PDE4B: variants seen among roughly 807,000 people sequenced by gnomAD.
The protein encoded by PDE4B is phosphodiesterase 4B, also known as 3',5'-cyclic-AMP phosphodiesterase 4B.
A neutral mutation model predicts 82.2 loss-of-function variants in PDE4B; 20 were observed. The observed-to-expected ratio is 0.24, with a 90% confidence interval of 0.17 to 0.35. The LOEUF is 0.35. Among genes scored for constraint, PDE4B ranks in the 10% least tolerant of loss-of-function variants. The probability of loss-of-function intolerance (pLI) is 1.00; values close to 1 mark genes in which losing one functional copy is unlikely to be tolerated. For synonymous variants in PDE4B, 320 were observed against 318.9 expected (o/e 1.00, Z -0.04); for missense variants, 655 against 907.2 (o/e 0.72, Z 3.57).
At chr1:65,954,513 T>C (rs1436742294) in intron 3 of PDE4B, among the ~76,000 whole-genome samples, 1 of 152,040 alleles carries the variant, frequency 6.6e-6, no homozygotes, top group East Asian at 1.9e-4. Context: ...CTCATCATGA[T>C]CTTATCATGA....
intron 3 of PDE4B, among the ~76,000 whole-genome samples, chr1:66,071,583 A>C (rs1275025128): frequency 2.0e-5 from 3 of 152,080 alleles, no homozygotes; most frequent in African/African-American, 7.2e-5. Flanking sequence ...TATTCCCTTA[A>C]GTGTCAACTT....
chr1:65,911,917 C>T (rs566124887), intron 1 of PDE4B, among the ~76,000 whole-genome samples: 3 of 152,126 alleles, frequency 2.0e-5, no homozygotes, highest in Non-Finnish European at 2.9e-5. Flanking sequence ...TGGTACAATG[C>T]CACTGCTTAG....
chr1:66,033,767 C>T (rs1218681208), intron 3 of PDE4B, among the ~76,000 whole-genome samples: 2 of 114,346 alleles, frequency 1.7e-5, no homozygotes, highest in Non-Finnish European at 4.0e-5. Flanking sequence ...TCTCCTTTTA[C>T]TTTTCTTTCT....
chr1:65,979,549 T>C (rs1033498110), intron 3 of PDE4B, among the ~76,000 whole-genome samples: 4 of 152,210 alleles, frequency 2.6e-5, no homozygotes, highest in African/African-American at 7.2e-5. Context: ...AGGCCATCAA[T>C]AGTGGCAAAT....
chr1:66,179,936 G>C (rs1647025210), intron 3 of PDE4B, among the ~76,000 whole-genome samples: 1 of 152,144 alleles, frequency 6.6e-6, no homozygotes, highest in African/African-American at 2.4e-5. Flanking sequence ...AATTGACCAA[G>C]AGTCCCCCTA....
intron 3 of PDE4B, among the ~76,000 whole-genome samples, chr1:66,230,912 G>A (rs976167782): frequency 1.3e-5 from 2 of 151,842 alleles, no homozygotes; most frequent in Non-Finnish European, 2.9e-5. Context: ...GGGGCACAGT[G>A]GCATGTGCTA....
At chr1:66,097,358 T>C (rs906763718) in intron 3 of PDE4B, among the ~76,000 whole-genome samples, 2 of 152,110 alleles carry the variant, frequency 1.3e-5, no homozygotes, top group African/African-American at 2.4e-5. Flanking sequence ...TAACTAATGA[T>C]GTTGAAGATA....
chr1:66,072,036 G>A (rs1225852563), intron 3 of PDE4B, among the ~76,000 whole-genome samples: 2 of 152,008 alleles, frequency 1.3e-5, no homozygotes, highest in African/African-American at 4.8e-5. Context: ...ACATGGCTTG[G>A]CTATGTTTTA....
At chr1:66,248,914 A>G (rs1362816715) in intron 4 of PDE4B, among the ~76,000 whole-genome samples, 1 of 152,162 alleles carries the variant, frequency 6.6e-6, no homozygotes, top group Non-Finnish European at 1.5e-5. Context: ...TCCCCACTCC[A>G]TAGATGATGA....
At chr1:65,794,452 T>C (rs1557750829) in intron 1 of PDE4B, among the ~76,000 whole-genome samples, 2 of 152,236 alleles carry the variant, frequency 1.3e-5, no homozygotes, top group Admixed American at 6.5e-5. Flanking sequence ...TCAGTGTTTT[T>C]ACCTACAACC....
At chr1:66,217,347 G>T (rs774054680) in intron 3 of PDE4B, among the ~76,000 whole-genome samples, 1 of 152,130 alleles carries the variant, frequency 6.6e-6, no homozygotes, top group Non-Finnish European at 1.5e-5. Context: ...ACTAGCAACA[G>T]TGGGAAGTGG....
chr1:66,004,466 T>A (rs563414394), intron 3 of PDE4B, among the ~76,000 whole-genome samples: 1 of 152,250 alleles, frequency 6.6e-6, no homozygotes, highest in East Asian at 1.9e-4. Flanking sequence ...TCCTTATGTG[T>A]TATGGTGTGT....
intron 1 of PDE4B, among the ~76,000 whole-genome samples, chr1:65,901,617 T>A (rs1262794601): frequency 1.3e-5 from 2 of 152,138 alleles, no homozygotes; most frequent in Non-Finnish European, 2.9e-5. Context: ...AATTTATTTC[T>A]GATTCAATTT....
intron 1 of PDE4B, among the ~76,000 whole-genome samples, chr1:65,819,311 C>T (rs1171293158): frequency 6.6e-6 from 1 of 151,982 alleles, no homozygotes; most frequent in African/African-American, 2.4e-5. Flanking sequence ...ATACCCTATG[C>T]CTGATTCATT....
intron 1 of PDE4B, among the ~76,000 whole-genome samples, chr1:65,909,631 A>G (rs1358103294): frequency 1.3e-5 from 2 of 152,218 alleles, no homozygotes; most frequent in African/African-American, 2.4e-5. Flanking sequence ...ACTATTAAAC[A>G]TATATCAGAA....
At chr1:66,247,044 C>T (rs1424781171) in intron 3 of PDE4B, among the ~76,000 whole-genome samples, 2 of 152,140 alleles carry the variant, frequency 1.3e-5, no homozygotes, top group African/African-American at 2.4e-5. Context: ...GAAGACTTTA[C>T]TCATGTGATA....
chr1:66,060,997 A>T (rs2100896193), intron 3 of PDE4B, among the ~76,000 whole-genome samples: 1 of 152,032 alleles, frequency 6.6e-6, no homozygotes, highest in African/African-American at 2.4e-5. Context: ...AAGTGAATAA[A>T]ATTGAGAAAG....
At chr1:65,847,092 AG>A (rs1295775989) in intron 1 of PDE4B, among the ~76,000 whole-genome samples, 1 of 152,228 alleles carries the variant, frequency 6.6e-6, no homozygotes, top group African/African-American at 2.4e-5. Flanking sequence ...GTTGGGCAAT[AG>A]CATTGCTTGC....
chr1:66,056,517 TATCTATCTATCTATC>T (rs1477537852), intron 3 of PDE4B, among the ~76,000 whole-genome samples: 60 of 73,784 alleles, frequency 8.1e-4, no homozygotes, highest in African/African-American at 3.1e-3. Flanking sequence ...TCTATCTATC[TATCTATCTATCTATC>T]ATCTATCTAT....
Sources: allele counts gnomAD v4.1 joint callset (sites outside exome capture counted in the v4.1 genomes callset), GRCh38; gene constraint gnomAD v4.1.1; transcripts MANE v1.5; gene names NCBI Gene and HGNC (gene_info 2026-07-23, HGNC 2026-07-21).